Variants in SS18L2 observed in about 807,000 individuals in gnomAD.
SS18L2 encodes SS18 like 2.
In SS18L2, 8 loss-of-function variants were observed where a neutral mutation model predicts 10.3. That is an observed-to-expected ratio of 0.78 (90% CI 0.46 to 1.41). The LOEUF is 1.41. Ranked by LOEUF, SS18L2 falls within the 40% of genes most tolerant of loss-of-function variation. The pLI is 0.00. For synonymous variants in SS18L2, 41 were observed against 34.6 expected (o/e 1.19, Z -0.65); for missense variants, 100 against 96.2 (o/e 1.04, Z -0.17).
At chr3:42,591,996 C>T (rs1448914210) in intron 2 of SS18L2, among the ~76,000 whole-genome samples, 1 of 152,168 alleles carries the variant, frequency 6.6e-6, no homozygotes, top group Non-Finnish European at 1.5e-5. Flanking sequence ...GGCCATTTGA[C>T]TGCTAAGCTT....
At position 42,594,641 on chromosome 3, in the gene SS18L2, G is replaced by C. The variant is rs913589861; in HGVS notation, c.*132G>C. 6 of 683,146 alleles carry C rather than the reference G, an allele frequency of 8.8e-6. No individual in the cohort carries two copies. In the East Asian group the frequency reaches 1.3e-4, roughly 15 times the overall value. 42.3% of individuals were successfully genotyped at this position (683,146 alleles called of 1,614,324 possible). ...TTAAAACATGAATGAAACCTCTGTG[G>C]CTCTTTCGAAACGTGAAAATGTGAA... On this transcript the variant is annotated 3_prime_UTR_variant, in exon 3 of 3. Transcript: ENST00000011691.
upstream of SS18L2, among the ~76,000 whole-genome samples, chr3:42,586,584 T>C (rs867581049): frequency 7.2e-5 from 9 of 124,192 alleles, no homozygotes; most frequent in South Asian, 5.9e-4. Context: ...CAGTCACTGT[T>C]TAAAAAAAAA....
At position 42,584,986 on chromosome 3, in the gene SS18L2, G is replaced by A. The variant is rs570147304; in HGVS notation, c.-90+3028G>A. 3.9e-4 allele frequency among the ~76,000 whole-genome samples: 60 copies of A among 152,148 alleles called. 1 individual carries two copies. The highest frequency in any genetic ancestry group is 8.7e-4 in the African/African-American group (36 of 41,526). ...TATTGAAAAATTACAAAAATTAGCC[G>A]GGCGTGATGGTGGACATCTGTGATC... On this transcript the variant is annotated intron_variant, in intron 1 of 3. Transcript: ENST00000447630.
In SS18L2 at chr3:42,591,558, A is replaced by G. The variant is rs761000009; in HGVS notation, c.103A>G (p.Ile35Val). 3 of 1,613,834 alleles carry G rather than the reference A, an allele frequency of 1.9e-6. No homozygotes were observed. Among genetic ancestry groups the G allele is most frequent in the Admixed American group, 1.7e-5 (1 of 59,992 alleles). Reference protein sequence around the residue: ...LEENDQLIRCIVEYQNKGRGN... With the variant: ...LEENDQLIRCVVEYQNKGRGN... The stretch of plus-strand genomic sequence containing the variant: ...GGAGAATGACCAGCTGATCCGCTGT[A>G]TTGTGGAGTATCAGAACAAGGGCCG... The change falls in exon 2 of 3, where the codon ATT (isoleucine) becomes GTT (valine). Residue 35 changes from isoleucine (I) to valine (V), a missense_variant. By Grantham distance (29) the Ile-to-Val change is conservative (BLOSUM62 3). Coordinates refer to ENST00000011691, the MANE Select transcript of SS18L2 (RefSeq NM_001370300.1).
chr3:42,596,649 AAATTGC>A lies in SS18L2; in HGVS notation c.*2142_*2147del, dbSNP rs1385811905. On this transcript the variant is annotated 3_prime_UTR_variant, in exon 3 of 3. Transcript: ENST00000011691. ...AGTTTCTTCACCTTAATCACAGACC[AAATTGC>A]ATACTTTTATCTTCGAATCATCTAA... Among the ~76,000 whole-genome samples the A allele has an allele frequency of 6.6e-6, 1 of 152,258 alleles. No homozygotes were observed. Among genetic ancestry groups the A allele is most frequent in the African/African-American group, 2.4e-5 (1 of 41,468 alleles).
chr3:42,590,893 T>C lies in SS18L2; in HGVS notation c.-5T>C. 1 of 1,505,140 alleles carries C rather than the reference T, an allele frequency of 6.6e-7. No homozygotes were observed. The highest frequency in any genetic ancestry group is 1.4e-5 in the African/African-American group (1 of 70,082). 93.2% of individuals were successfully genotyped at this position (1,505,140 alleles called of 1,614,324 possible). On this transcript the variant is annotated 5_prime_UTR_variant, in exon 1 of 3. Coordinates refer to ENST00000011691, the MANE Select transcript of SS18L2 (RefSeq NM_001370300.1). Reference sequence around the variant, plus strand: ...TGGCGGTCGTGGTTCCGGAGGTTCCTCGGGATGTCGGTGGCCTTCGTACCG... The same window carrying C: ...TGGCGGTCGTGGTTCCGGAGGTTCCCCGGGATGTCGGTGGCCTTCGTACCG...
At position 42,594,421 on chromosome 3, in the gene SS18L2, G is replaced by A. The variant is rs762233892; in HGVS notation, c.147-1G>A. The A allele has an allele frequency of 6.2e-6, 10 of 1,610,314 alleles. No homozygotes were observed. The South Asian group carries it at 8.9e-5, about 14-fold the overall frequency. On this transcript the variant is annotated splice_acceptor_variant, in intron 2 of 2. Transcript: ENST00000011691. LOFTEE classifies it high-confidence loss of function. The stretch of plus-strand genomic sequence containing the variant: ...ATTTTTGCCTGTTTTTTTGCCCATA[G>A]GTACCAGCATGTGTTACATAGAAAT...
At chr3:42,592,967 A>G (rs1704903837) in intron 2 of SS18L2, among the ~76,000 whole-genome samples, 1 of 152,216 alleles carries the variant, frequency 6.6e-6, no homozygotes, top group African/African-American at 2.4e-5. Context: ...CTCTGTATCC[A>G]TGGGTTCTGC....
chr3:42,585,134 A>C (rs1227915696), intron 1 of SS18L2, among the ~76,000 whole-genome samples: 1 of 152,130 alleles, frequency 6.6e-6, no homozygotes, highest in Non-Finnish European at 1.5e-5. Flanking sequence ...CATCTCAAAA[A>C]ACAAACAAAA....
upstream of SS18L2, among the ~76,000 whole-genome samples, chr3:42,586,645 G>A (rs1030580945): frequency 5.3e-5 from 8 of 149,866 alleles, no homozygotes; most frequent in Non-Finnish European, 8.8e-5. Flanking sequence ...TATATCTCTA[G>A]TCTCTTTCTC....
intron 2 of SS18L2, among the ~76,000 whole-genome samples, chr3:42,592,452 G>T (rs572739145): frequency 7.2e-5 from 11 of 152,050 alleles, no homozygotes; most frequent in Non-Finnish European, 1.6e-4. Flanking sequence ...CACCCACCTC[G>T]ACCTCCCAAA....
At chr3:42,588,218 A>G (rs1296927536), upstream of SS18L2, among the ~76,000 whole-genome samples, 2 of 152,022 alleles carry the variant, frequency 1.3e-5, no homozygotes, top group Non-Finnish European at 2.9e-5. Context: ...CCTGGCCAAC[A>G]TAGAGAAACC....
chr3:42,594,560 T>A lies in SS18L2; in HGVS notation c.*51T>A, dbSNP rs759851007. The A allele has an allele frequency of 2.7e-6, 4 of 1,472,902 alleles. No homozygotes were observed. The Admixed American group carries it at 6.7e-5, about 25-fold the overall frequency. The allele number at this position is 1,472,902 out of a possible 1,614,324, so 91.2% of individuals were successfully genotyped here. On this transcript the variant is annotated 3_prime_UTR_variant, in exon 3 of 3. Coordinates refer to ENST00000011691, the MANE Select transcript of SS18L2 (RefSeq NM_001370300.1). Reference sequence around the variant, plus strand: ...TCCATTTGGCTGTCGTGAGGAGTAATTGAATGTAATCCATCTCTTACAAAA... The same window carrying A: ...TCCATTTGGCTGTCGTGAGGAGTAAATGAATGTAATCCATCTCTTACAAAA...
chr3:42,588,362 A>C (rs1704693433), upstream of SS18L2, among the ~76,000 whole-genome samples: 2 of 152,090 alleles, frequency 1.3e-5, no homozygotes, highest in African/African-American at 4.8e-5. Flanking sequence ...CTGAGATTGC[A>C]CCAATGCACT....
rs2125739703 is a variant in SS18L2 at position 42,590,884 on chromosome 3, G to C, written c.-14G>C. ...CGAGTTGCTTGGCGGTCGTGGTTCC[G>C]GAGGTTCCTCGGGATGTCGGTGGCC... is the stretch of plus-strand genomic sequence containing the variant. On this transcript the variant is annotated 5_prime_UTR_variant, in exon 1 of 3. Coordinates refer to ENST00000011691, the MANE Select transcript of SS18L2 (RefSeq NM_001370300.1). The C allele has an allele frequency of 6.2e-7, 1 of 1,613,936 alleles. No homozygotes were observed.
At chr3:42,586,856 A>G (rs1008242496), upstream of SS18L2, among the ~76,000 whole-genome samples, 1 of 152,114 alleles carries the variant, frequency 6.6e-6, no homozygotes, top group African/African-American at 2.4e-5. Flanking sequence ...ATCACCTCAC[A>G]CTGTACATTT....
intron 1 of SS18L2, 43 bp from the exon 2 acceptor site, chr3:42,591,482 T>G (rs1351822236): frequency 6.6e-7 from 1 of 1,507,578 alleles, no homozygotes; most frequent in Non-Finnish European, 9.2e-7. Context: ...CGTGAGCCAC[T>G]GCGCCCGGCC....
chr3:42,586,929 A>G (rs538304627), upstream of SS18L2, among the ~76,000 whole-genome samples: 35 of 152,296 alleles, frequency 2.3e-4, no homozygotes, highest in African/African-American at 7.9e-4. Flanking sequence ...CCCTGCCTAC[A>G]TAAGGGGCAT....
chr3:42,590,618 G>A (rs1304322746), upstream of SS18L2, among the ~76,000 whole-genome samples: 2 of 151,786 alleles, frequency 1.3e-5, no homozygotes, highest in Admixed American at 6.6e-5. Flanking sequence ...GCCTAACACT[G>A]GAGGTGCTGA....
Sources: gnomAD v4.1 joint callset for allele counts (sites outside exome capture counted in the v4.1 genomes callset) on GRCh38, gnomAD v4.1.1 for gene constraint, MANE v1.5 for transcripts, NCBI Gene and HGNC (gene_info 2026-07-23, HGNC 2026-07-21) for gene names.